PRDM1: variants seen among roughly 807,000 people sequenced by gnomAD.
PRDM1 encodes the protein PR domain zinc finger protein 1.
A neutral mutation model predicts 62.8 loss-of-function variants in PRDM1; 13 were observed. The ratio of observed to expected loss-of-function variants is 0.21; its 90% CI spans 0.13 to 0.33. The LOEUF is 0.33. Ranked by LOEUF, PRDM1 falls within the 10% of genes least tolerant of loss-of-function variation. The pLI, the probability that PRDM1 is intolerant of heterozygous loss-of-function variation, is 1.00. For missense variants in PRDM1, 895 were observed against 1,058.8 expected (o/e 0.85, Z 2.15); for synonymous variants, 396 against 417.6 (o/e 0.95, Z 0.63).
At chr6:106,057,897 A>T (rs932450041) in intron 1 of PRDM1, among the ~76,000 whole-genome samples, 1 of 152,240 alleles carries the variant, frequency 6.6e-6, no homozygotes, top group Non-Finnish European at 1.5e-5. Flanking sequence ...TGAGAGGTAT[A>T]TTCTGAAAAT....
intron 1 of PRDM1, among the ~76,000 whole-genome samples, chr6:106,023,478 A>G (rs1377127973): frequency 6.6e-6 from 1 of 150,700 alleles, no homozygotes; most frequent in Non-Finnish European, 1.5e-5. Context: ...TGTCTCAAAA[A>G]AAAAAAAAAA....
upstream of PRDM1, among the ~76,000 whole-genome samples, chr6:106,081,468 G>C (rs1412201596): frequency 6.6e-6 from 1 of 152,216 alleles, no homozygotes; most frequent in Non-Finnish European, 1.5e-5. Context: ...CCAAAAAAGA[G>C]TCTGGGAGAG....
chr6:106,073,066 A>G (rs4443535), intron 1 of PRDM1, among the ~76,000 whole-genome samples: 23,542 of 150,336 alleles, frequency 0.16, 2,296 homozygotes, highest in African/African-American at 0.29. Context: ...GTGCATATAT[A>G]TCACTCTAAA....
intron 1 of PRDM1, among the ~76,000 whole-genome samples, chr6:106,027,518 G>C (rs909326302): frequency 6.6e-6 from 1 of 152,158 alleles, no homozygotes; most frequent in African/African-American, 2.4e-5. Flanking sequence ...AGCCCTAATG[G>C]GAGGGCGGAC....
At chr6:105,995,399 A>G (rs983469318) in intron 1 of PRDM1, among the ~76,000 whole-genome samples, 2 of 152,172 alleles carry the variant, frequency 1.3e-5, no homozygotes, top group African/African-American at 4.8e-5. Flanking sequence ...ACTGATGTCT[A>G]CAGAAACGGA....
intron 1 of PRDM1, among the ~76,000 whole-genome samples, chr6:106,076,523 A>G (rs1773608403): frequency 1.3e-5 from 2 of 152,346 alleles, no homozygotes; most frequent in South Asian, 2.1e-4. Flanking sequence ...ATTAGTAGAA[A>G]AAAATGAAGC....
intron 1 of PRDM1, among the ~76,000 whole-genome samples, chr6:106,021,211 C>T (rs374136922): frequency 1.6e-4 from 24 of 152,298 alleles, no homozygotes; most frequent in African/African-American, 4.8e-4. Context: ...TCAGATTCTT[C>T]GGTTATGCTT....
chr6:106,061,887 G>A (rs1007796044), intron 1 of PRDM1, among the ~76,000 whole-genome samples: 3 of 152,306 alleles, frequency 2.0e-5, no homozygotes, highest in African/African-American at 7.2e-5. Flanking sequence ...TAGAAGTGAA[G>A]TGACAGACTT....
At chr6:105,999,040 C>T (rs1474051372) in intron 1 of PRDM1, among the ~76,000 whole-genome samples, 2 of 151,120 alleles carry the variant, frequency 1.3e-5, no homozygotes, top group African/African-American at 2.4e-5. Context: ...TAGGCTCAAG[C>T]AATCCTCCCA....
chr6:106,019,339 G>A (rs1308502746), intron 1 of PRDM1, among the ~76,000 whole-genome samples: 1 of 142,982 alleles, frequency 7.0e-6, no homozygotes, highest in African/African-American at 2.6e-5. Context: ...TGTTGTATAT[G>A]TTATTTACTC....
chr6:106,021,937 C>G (rs551250157), intron 1 of PRDM1, among the ~76,000 whole-genome samples: 1 of 152,166 alleles, frequency 6.6e-6, no homozygotes, highest in East Asian at 1.9e-4. Flanking sequence ...TTTATTTCTT[C>G]AAGTGTGTAT....
upstream of PRDM1, chr6:106,045,804 G>A (rs1471382964): frequency 6.6e-6 from 1 of 152,130 alleles, no homozygotes; most frequent in Non-Finnish European, 1.5e-5. Flanking sequence ...GAAGAGGTTG[G>A]ATCTTTAAAA....
At chr6:106,084,868 A>T (rs1773761879), upstream of PRDM1, among the ~76,000 whole-genome samples, 2 of 152,136 alleles carry the variant, frequency 1.3e-5, no homozygotes, top group South Asian at 4.1e-4. Context: ...CAGGTGGGCC[A>T]CGCAGCAAGC....
In PRDM1 at chr6:106,034,228, TTA is replaced by T. The variant is rs145246858; in HGVS notation, c.-67+40591_-67+40592del. On this transcript the variant is annotated intron_variant, in intron 1 of 6. Transcript: ENST00000652320. ...GTGTTTTTGGTCTCATTTATTTCCT[TTA>T]TTGTTTTCTATTCTCTATTTTGTTT... Among the ~76,000 whole-genome samples, 34 of 152,248 alleles carry T rather than the reference TTA, an allele frequency of 2.2e-4. No individual in the cohort carries two copies. In the East Asian group the frequency reaches 6.5e-3, roughly 29 times the overall value.
chr6:106,106,234 CAT>C lies in PRDM1; in HGVS notation c.1774-136_1774-135del. The C allele has an allele frequency of 7.4e-7, 1 of 1,357,718 alleles. No individual in the cohort carries two copies. Among genetic ancestry groups the C allele is most frequent in the South Asian group, 1.5e-5 (1 of 67,772 alleles). 84.1% of individuals were successfully genotyped at this position (1,357,718 alleles called of 1,614,324 possible). A position where few individuals can be genotyped will look rare whatever the true frequency, so the allele number is the denominator to read the frequency against. On this transcript the variant is annotated intron_variant, in intron 5 of 6. Transcript: ENST00000369096. The surrounding 1 kb of genome is among the most constrained non-coding windows in gnomAD (Gnocchi z 4.4). ...TTTAAGAAAAACACCATTCTGAAAA[CAT>C]GAAGATTTCTTCTTTTTAAGACTGT... is the stretch of plus-strand genomic sequence containing the variant.
At chr6:106,104,129 A>G (rs1030403589) in intron 4 of PRDM1, among the ~76,000 whole-genome samples, 6 of 152,148 alleles carry the variant, frequency 3.9e-5, no homozygotes, top group African/African-American at 1.2e-4. Context: ...TAGGTAAACC[A>G]TGAACATCAG....
chr6:106,044,061 T>C (rs780278022), upstream of PRDM1, among the ~76,000 whole-genome samples: 16 of 152,218 alleles, frequency 1.1e-4, no homozygotes, highest in Non-Finnish European at 2.4e-4. Context: ...TGTGTGAATA[T>C]GTACTTGTAT....
In PRDM1 at chr6:106,096,154, G is replaced by T. The variant is rs1244432792; in HGVS notation, c.411+420G>T. 4.0e-5 allele frequency: 6 copies of T among 150,582 alleles called. No individual in the cohort carries two copies. The East Asian group carries it at 5.7e-4, about 14-fold the overall frequency. The allele number at this position is 150,582 out of a possible 1,614,324, so 9.3% of individuals were successfully genotyped here. A position where few individuals can be genotyped will look rare whatever the true frequency, so the allele number is the denominator to read the frequency against. Reference sequence around the variant, plus strand: ...TTATCACAAATGAATTATCTTTTTGGTTTTTTTTTTTTTGAGATGGAGTCT... The same window carrying T: ...TTATCACAAATGAATTATCTTTTTGTTTTTTTTTTTTTTGAGATGGAGTCT... On this transcript the variant is annotated intron_variant, in intron 3 of 6. Coordinates refer to ENST00000369096, the MANE Select transcript of PRDM1 (RefSeq NM_001198.4).
chr6:106,051,438 G>A (rs1292062476), intron 1 of PRDM1, among the ~76,000 whole-genome samples: 1 of 152,194 alleles, frequency 6.6e-6, no homozygotes, highest in Non-Finnish European at 1.5e-5. Context: ...AAACAGGAAG[G>A]GAAGGAATCA....
Sources: allele counts gnomAD v4.1 joint callset (sites outside exome capture counted in the v4.1 genomes callset), GRCh38; gene constraint gnomAD v4.1.1; non-coding constraint Gnocchi (gnomAD v3.1); transcripts MANE v1.5; gene names NCBI Gene and HGNC (gene_info 2026-07-23, HGNC 2026-07-21).